FHIT: variants seen among roughly 807,000 people sequenced by gnomAD.
The protein encoded by FHIT is fragile histidine triad diadenosine triphosphatase, also known as bis(5'-adenosyl)-triphosphatase.
In FHIT, 19 loss-of-function variants were observed where a neutral mutation model predicts 17.9. The observed-to-expected ratio is 1.06, with a 90% CI of 0.74 to 1.56. The LOEUF (loss-of-function observed/expected upper bound fraction) is 1.56. Ranked by LOEUF, FHIT falls within the 40% of genes most tolerant of loss-of-function variation. The pLI is 0.00. For missense variants in FHIT, 248 were observed against 189.2 expected (o/e 1.31, Z -1.82); for synonymous variants, 81 against 69.7 (o/e 1.16, Z -0.81).
chr3:61,150,366 T>C (rs2037352138), intron 2 of FHIT, among the ~76,000 whole-genome samples: 1 of 152,098 alleles, frequency 6.6e-6, no homozygotes, highest in African/African-American at 2.4e-5. Context: ...TCTCCCTATA[T>C]TGCCCAGGCT....
intron 5 of FHIT, among the ~76,000 whole-genome samples, chr3:60,123,967 AATATATATATATATAT>A (rs1176212050): frequency 0.02 from 550 of 27,710 alleles, 65 homozygotes; most frequent in Non-Finnish European, 0.024. Flanking sequence ...ATGCACTAAA[AATATATATATATATAT>A]ATATATATAT....
intron 5 of FHIT, among the ~76,000 whole-genome samples, chr3:60,155,245 T>C (rs965735446): frequency 4.6e-5 from 7 of 150,770 alleles, no homozygotes; most frequent in African/African-American, 1.7e-4. Flanking sequence ...AAACAGAAAA[T>C]CTCAGTCACA....
chr3:60,154,840 C>A (rs1700609697), intron 5 of FHIT, among the ~76,000 whole-genome samples: 1 of 152,104 alleles, frequency 6.6e-6, no homozygotes, highest in South Asian at 2.1e-4. Context: ...GAAAGAAAAG[C>A]AGAAATATCA....
chr3:59,849,366 C>T (rs545402783), intron 8 of FHIT, among the ~76,000 whole-genome samples: 78 of 151,852 alleles, frequency 5.1e-4, no homozygotes, highest in African/African-American at 1.1e-3. Flanking sequence ...GAATGAGACT[C>T]TGTCACAGAA....
At chr3:60,319,146 G>C (rs563001228) in intron 5 of FHIT, among the ~76,000 whole-genome samples, 59 of 152,138 alleles carry the variant, frequency 3.9e-4, no homozygotes, top group African/African-American at 1.4e-3. Context: ...GCCACATAAG[G>C]TAACATTCAC....
chr3:60,155,595 A>G (rs1468231626), intron 5 of FHIT, among the ~76,000 whole-genome samples: 1 of 152,160 alleles, frequency 6.6e-6, no homozygotes, highest in African/African-American at 2.4e-5. Context: ...AGCCAGAGAG[A>G]GGGTCAGAAG....
In FHIT at chr3:60,447,084, C is replaced by T. The variant is rs185311709; in HGVS notation, c.103+89776G>A. 7.9e-4 allele frequency among the ~76,000 whole-genome samples: 120 copies of T among 152,044 alleles called. 1 individual carries two copies. The East Asian group carries it at 0.021, about 27-fold the overall frequency. ...CTAGCTGCCTGTTTTCTCAACTGCTCCTTGAGCCAAAACCCAGCAAATTCC... is the reference window on the plus strand; with the variant it reads ...CTAGCTGCCTGTTTTCTCAACTGCTTCTTGAGCCAAAACCCAGCAAATTCC... On this transcript the variant is annotated intron_variant, in intron 5 of 9. Transcript: ENST00000492590.
intron 2 of FHIT, among the ~76,000 whole-genome samples, chr3:61,063,313 T>C (rs2034494110): frequency 6.6e-6 from 1 of 150,756 alleles, no homozygotes. Flanking sequence ...ATCAACCACA[T>C]CGGGTAGGTT....
intron 4 of FHIT, among the ~76,000 whole-genome samples, chr3:60,574,424 C>A (rs1553656852): frequency 6.6e-6 from 1 of 151,638 alleles, no homozygotes; most frequent in African/African-American, 2.4e-5. Flanking sequence ...CAGAGTAATG[C>A]CAACTGTTGC....
At chr3:59,865,646 C>T (rs561836154) in intron 8 of FHIT, among the ~76,000 whole-genome samples, 3 of 131,830 alleles carry the variant, frequency 2.3e-5, no homozygotes, top group African/African-American at 9.8e-5. Context: ...TAACAGAATG[C>T]TTTTACCCTT....
At chr3:60,001,399 C>G (rs1004799173) in intron 7 of FHIT, among the ~76,000 whole-genome samples, 1 of 152,118 alleles carries the variant, frequency 6.6e-6, no homozygotes, top group African/African-American at 2.4e-5. Flanking sequence ...TTCTTAGGTT[C>G]TCAGAGCCTG....
intron 5 of FHIT, among the ~76,000 whole-genome samples, chr3:60,102,429 C>G (rs1469631704): frequency 6.6e-6 from 1 of 152,182 alleles, no homozygotes; most frequent in African/African-American, 2.4e-5. Flanking sequence ...TAAGCCAGCA[C>G]TTTCTGCTTT....
Position 60,902,275 on chromosome 3 carries a change from A to G in FHIT, c.-110-80264T>C, listed in dbSNP as rs115060436. ...TGCAATCATAAACCATTTATGTCTG[A>G]CTTCTTAGTGTAAAGCATTTGAGAT... On this transcript the variant is annotated intron_variant, in intron 3 of 9. Coordinates refer to ENST00000492590, the MANE Select transcript of FHIT (RefSeq NM_002012.4). Among the ~76,000 whole-genome samples the G allele has an allele frequency of 2.8e-3, 425 of 152,294 alleles. 3 individuals are homozygous for G. The highest frequency in any genetic ancestry group is 9.5e-3 in the African/African-American group (394 of 41,556).
intron 5 of FHIT, among the ~76,000 whole-genome samples, chr3:60,048,459 A>G (rs1010681255): frequency 1.3e-5 from 2 of 152,156 alleles, no homozygotes; most frequent in African/African-American, 4.8e-5. Flanking sequence ...TACAGGCGTG[A>G]GTCTCTACGA....
chr3:59,991,361 T>C (rs1170976667), intron 7 of FHIT, among the ~76,000 whole-genome samples: 1 of 152,078 alleles, frequency 6.6e-6, no homozygotes, highest in Non-Finnish European at 1.5e-5. Flanking sequence ...TTGTCAAGTA[T>C]TTGCTGTGTG....
chr3:60,351,053 G>C (rs186431048), intron 5 of FHIT, among the ~76,000 whole-genome samples: 1 of 151,908 alleles, frequency 6.6e-6, no homozygotes, highest in African/African-American at 2.4e-5. Context: ...CCAGCCAAAA[G>C]CTATATTGCA....
At chr3:59,965,969 C>T (rs1356940571) in intron 7 of FHIT, among the ~76,000 whole-genome samples, 1 of 152,068 alleles carries the variant, frequency 6.6e-6, no homozygotes. Flanking sequence ...GTCTTAAAGG[C>T]CTTTCTAGAC....
chr3:60,498,559 T>C (rs897731428), intron 5 of FHIT, among the ~76,000 whole-genome samples: 1 of 152,218 alleles, frequency 6.6e-6, no homozygotes, highest in Non-Finnish European at 1.5e-5. Context: ...ACCTGAATAA[T>C]TCCTTATAAT....
intron 5 of FHIT, among the ~76,000 whole-genome samples, chr3:60,047,077 G>A (rs577353307): frequency 6.6e-6 from 1 of 152,338 alleles, no homozygotes; most frequent in Non-Finnish European, 1.5e-5. Flanking sequence ...ACAGTGAATA[G>A]TGACATTTTG....
Sources: allele counts gnomAD v4.1 joint callset (sites outside exome capture counted in the v4.1 genomes callset), GRCh38; gene constraint gnomAD v4.1.1; transcripts MANE v1.5; gene names NCBI Gene and HGNC (gene_info 2026-07-23, HGNC 2026-07-21).